NBPF26: variants seen among roughly 807,000 people sequenced by gnomAD.
NBPF26 encodes NBPF member 26.
Under a neutral mutation model 119.6 loss-of-function variants are expected in NBPF26, and 79 were observed. That is an observed-to-expected ratio of 0.66 (90% CI 0.55 to 0.80). The LOEUF (loss-of-function observed/expected upper bound fraction) is 0.80, where lower values mean the gene tolerates loss of function less well. NBPF26 is among the 30% of genes least tolerant of loss of function. The probability of loss-of-function intolerance (pLI) is 0.00; values close to 1 mark genes in which losing one functional copy is unlikely to be tolerated. For missense variants in NBPF26, 800 were observed against 1,198.2 expected (o/e 0.67, Z 4.91); for synonymous variants, 299 against 457.7 (o/e 0.65, Z 4.43).
rs1339036827 is a variant in NBPF26, at chr1:120,822,935, A to G, written c.2588-374A>G. Among the ~76,000 whole-genome samples, 5 of 125,636 alleles carry G rather than the reference A, an allele frequency of 4.0e-5. 2 individuals are homozygous for G. Among genetic ancestry groups the G allele is most frequent in the Non-Finnish European group, 8.1e-5 (5 of 61,746 alleles). The allele number at this position is 125,636 out of a possible 152,430, so 82.4% of individuals were successfully genotyped here. On this transcript the variant is annotated intron_variant, in intron 16 of 29. Coordinates refer to ENST00000620612, the Ensembl canonical transcript of NBPF26. ...CTTTCATCAAATCTCTGTGTCCACA[A>G]TCTCATAAACTATCAAATTCTGGGT...
chr1:120,727,373 T>G (rs1411831441), intron 1 of NBPF26, among the ~76,000 whole-genome samples: 1 of 114,962 alleles, frequency 8.7e-6, no homozygotes, highest in Non-Finnish European at 1.7e-5. Context: ...CCTTAGTCAT[T>G]CCAGTGTTTA....
intron 9 of NBPF26, among the ~76,000 whole-genome samples, chr1:120,811,039 G>C (rs1651848863): frequency 1.0e-5 from 1 of 98,960 alleles, no homozygotes. Flanking sequence ...AGGAGATTGA[G>C]ACCATCCTGG....
intron 8 of NBPF26, 143 bp downstream of exon 8, chr1:120,810,026 A>C: frequency 1.5e-6 from 2 of 1,291,162 alleles, no homozygotes; most frequent in Non-Finnish European, 1.1e-6. Flanking sequence ...GCTTAGACAC[A>C]GGGTGCGGCA....
rs1387714448 is a variant in NBPF26, at chr1:120,794,123, C to G, written c.751+627C>G. 3.6e-5 allele frequency among the ~76,000 whole-genome samples: 4 copies of G among 110,774 alleles called. 1 individual carries two copies. The highest frequency in any genetic ancestry group is 2.2e-4 in the African/African-American group (4 of 17,790). 72.7% of individuals were successfully genotyped at this position (110,774 alleles called of 152,430 possible). A position where few individuals can be genotyped will look rare whatever the true frequency, so the allele number is the denominator to read the frequency against. On this transcript the variant is annotated intron_variant, in intron 4 of 29. Coordinates refer to ENST00000620612, the Ensembl canonical transcript of NBPF26. ...TAATCAGTGAGCACTTTTTGATGAG[C>G]TGATAGATGATATATGAGAGACTAT... is the stretch of plus-strand genomic sequence containing the variant.
At chr1:120,768,591 G>T (rs1183043689) in intron 2 of NBPF26, among the ~76,000 whole-genome samples, 2 of 109,442 alleles carry the variant, frequency 1.8e-5, no homozygotes, top group Non-Finnish European at 3.4e-5. Context: ...GCATGAACTG[G>T]GGTGTACCTT....
intron 1 of NBPF26, among the ~76,000 whole-genome samples, chr1:120,730,503 T>C (rs2101347212): frequency 1.2e-5 from 1 of 86,540 alleles, no homozygotes; most frequent in East Asian, 2.7e-4. Flanking sequence ...TGGCTTCAGA[T>C]CTGAAAGGAT....
intron 2 of NBPF26, among the ~76,000 whole-genome samples, chr1:120,770,318 C>A (rs1242266725): frequency 9.3e-6 from 1 of 107,998 alleles, no homozygotes; most frequent in Admixed American, 9.0e-5. Flanking sequence ...TATAAGCGCC[C>A]GCCACCACGC....
chr1:120,733,105 ATTTATT>A (rs1404202135), intron 1 of NBPF26, among the ~76,000 whole-genome samples: 1 of 84,626 alleles, frequency 1.2e-5, no homozygotes, highest in Non-Finnish European at 2.1e-5. Flanking sequence ...AAAGCTGTTG[ATTTATT>A]TTTATATATA....
Position 120,794,387 on chromosome 1 carries a change from T to C in NBPF26, c.751+891T>C, listed in dbSNP as rs1651533817. On this transcript the variant is annotated intron_variant, in intron 4 of 29. Transcript: ENST00000620612. The stretch of plus-strand genomic sequence containing the variant: ...AATACAAGCAGCTGAAGCAGATGAA[T>C]TACTAAGCAACAAAGATCCTGTTTT... Among the ~76,000 whole-genome samples, 2 of 112,934 alleles carry C rather than the reference T, an allele frequency of 1.8e-5. 1 individual carries two copies. The highest frequency in any genetic ancestry group is 5.1e-4 in the South Asian group (2 of 3,918). 74.1% of individuals were successfully genotyped at this position (112,934 alleles called of 152,430 possible).
At chr1:120,809,219 A>G (rs1225394666) in intron 7 of NBPF26, among the ~76,000 whole-genome samples, 1 of 145,536 alleles carries the variant, frequency 6.9e-6, no homozygotes, top group African/African-American at 2.7e-5. Flanking sequence ...GCATCCAAAT[A>G]TGGGAACACT....
At chr1:120,806,438 CA>C (rs1651686049) in intron 5 of NBPF26, among the ~76,000 whole-genome samples, 1 of 112,236 alleles carries the variant, frequency 8.9e-6, no homozygotes. Context: ...ACTAAAAATA[CA>C]AAAAGTAGAT....
chr1:120,833,392 T>A (rs1449594678), intron 23 of NBPF26, among the ~76,000 whole-genome samples: 1 of 87,660 alleles, frequency 1.1e-5, no homozygotes. Flanking sequence ...TCTCTCTCTG[T>A]CTCTGTCTCT....
chr1:120,790,221 A>G (rs1357102378), intron 3 of NBPF26, among the ~76,000 whole-genome samples: 2 of 104,946 alleles, frequency 1.9e-5, no homozygotes, highest in Non-Finnish European at 3.5e-5. Context: ...TCACCTTGTT[A>G]GCCAGAATGG....
chr1:120,815,268 T>C (rs1353583850), intron 12 of NBPF26, among the ~76,000 whole-genome samples: 1 of 115,672 alleles, frequency 8.6e-6, no homozygotes, highest in Non-Finnish European at 1.7e-5. Context: ...AAGGTGGTCT[T>C]TGGAGCAAGA....
intron 14 of NBPF26, 64 bp downstream of exon 14, chr1:120,816,891 C>G (rs2101524428): frequency 2.1e-6 from 3 of 1,447,262 alleles, no homozygotes; most frequent in East Asian, 4.6e-5. Context: ...ACTCTGAAGA[C>G]AGGCTCTATA....
chr1:120,838,504 C>G (rs1323906197), intron 27 of NBPF26, among the ~76,000 whole-genome samples: 12 of 80,122 alleles, frequency 1.5e-4, no homozygotes, highest in African/African-American at 6.3e-4. Context: ...CTCTCTCTCT[C>G]TCTCTGTGTG....
rs1198266560 is a variant in NBPF26 at position 120,815,390 on chromosome 1, A to G, written c.2092+347A>G. Among the ~76,000 whole-genome samples, 57 of 112,824 alleles carry G rather than the reference A, an allele frequency of 5.1e-4. 4 individuals are homozygous for G. Among genetic ancestry groups the G allele is most frequent in the African/African-American group, 2.2e-3 (39 of 17,988 alleles). The allele number at this position is 112,824 out of a possible 152,430, so 74.0% of individuals were successfully genotyped here. ...TGAAGGTTCCCAGGCTGTCTTTTCG[A>G]CAATGTTCTTAGTAACTGTCAGAGA... is the stretch of plus-strand genomic sequence containing the variant. On this transcript the variant is annotated intron_variant, in intron 12 of 29. Coordinates refer to ENST00000620612, the Ensembl canonical transcript of NBPF26.
chr1:120,805,790 T>C, intron 5 of NBPF26, 25 bp downstream of exon 5: 1 of 1,306,572 alleles, frequency 7.7e-7, no homozygotes, highest in East Asian at 2.3e-5. Flanking sequence ...CTCACCATCA[T>C]GAAAGTGATG....
rs1553273529 is a variant in NBPF26, at chr1:120,840,507, G to A, written c.4261G>A (p.Ala1421Thr). ...ATTTGAGGAAGAGCATATCAGCTTC[G>A]CCCTTTACGTGGACAATAGGTTTTT... The change falls in exon 30 of 30, where the codon GCC (alanine) becomes ACC (threonine). Residue 1421 changes from alanine to threonine, a missense_variant. Around this residue, in one of 13 missense-constraint regions of NBPF26, gnomAD observed 155 missense variants for 95.9 expected, o/e 1.62. Coordinates refer to ENST00000620612, the Ensembl canonical transcript of NBPF26. 6.2e-5 allele frequency: 92 copies of A among 1,475,972 alleles called. 22 individuals carry two copies. The highest frequency in any genetic ancestry group is 4.0e-4 in the African/African-American group (21 of 52,456). 91.4% of individuals were successfully genotyped at this position (1,475,972 alleles called of 1,614,324 possible). A position where few individuals can be genotyped will look rare whatever the true frequency, so the allele number is the denominator to read the frequency against.
Sources: allele counts gnomAD v4.1 joint callset (sites outside exome capture counted in the v4.1 genomes callset), GRCh38; gene constraint gnomAD v4.1.1; regional missense constraint gnomAD v4.1.1; transcripts MANE v1.5; gene names NCBI Gene and HGNC (gene_info 2026-07-23, HGNC 2026-07-21).